The following PTPRT variants were observed in gnomAD, a reference collection of about 807,000 sequenced individuals.
PTPRT encodes the protein protein tyrosine phosphatase receptor type T.
A neutral mutation model predicts 176.8 loss-of-function variants in PTPRT; 56 were observed. The ratio of observed to expected loss-of-function variants is 0.32; its 90% confidence interval spans 0.26 to 0.40. PTPRT has a LOEUF of 0.40. Ranked by LOEUF, PTPRT falls within the 10% of genes least tolerant of loss-of-function variation. PTPRT has a pLI of 1.00. For synonymous variants in PTPRT, 783 were observed against 739.0 expected, an observed-to-expected ratio of 1.06 and a Z score of -0.96; for missense variants, 1,540 against 1,908.2, an observed-to-expected ratio of 0.81 and a Z score of 3.60.
intron 1 of PTPRT, among the ~76,000 whole-genome samples, chr20:43,012,210 A>C (rs1179470474): frequency 1.3e-5 from 2 of 152,234 alleles, no homozygotes; most frequent in Non-Finnish European, 2.9e-5. Context: ...GCGAACCCTG[A>C]CTAATACAAC....
intron 12 of PTPRT, among the ~76,000 whole-genome samples, chr20:42,283,077 C>T (rs1375887951): frequency 6.6e-6 from 1 of 152,118 alleles, no homozygotes; most frequent in African/African-American, 2.4e-5. Context: ...TCGCAACCTT[C>T]ATAAATAATG....
chr20:42,655,133 A>C (rs2075102532), intron 7 of PTPRT, among the ~76,000 whole-genome samples: 1 of 152,054 alleles, frequency 6.6e-6, no homozygotes, highest in Non-Finnish European at 1.5e-5. Context: ...AAATTAAATC[A>C]CATTTAAAAA....
intron 11 of PTPRT, among the ~76,000 whole-genome samples, chr20:42,323,143 C>T (rs961593235): frequency 2.0e-5 from 3 of 152,150 alleles, no homozygotes; most frequent in Non-Finnish European, 4.4e-5. Context: ...GAAATAGGAA[C>T]ACTTTTACAC....
intron 5 of PTPRT, among the ~76,000 whole-genome samples, chr20:42,761,478 G>A (rs538271736): frequency 1.8e-4 from 28 of 151,582 alleles, no homozygotes; most frequent in African/African-American, 5.8e-4. Flanking sequence ...AATATCTAGC[G>A]CCATCTAATA....
chr20:42,984,771 T>C (rs992169132), intron 1 of PTPRT, among the ~76,000 whole-genome samples: 6 of 152,240 alleles, frequency 3.9e-5, no homozygotes, highest in African/African-American at 1.4e-4. Flanking sequence ...TAGGCTTGTC[T>C]GACACCAAAG....
At position 42,583,141 on chromosome 20, in the gene PTPRT, C is replaced by T. The variant is rs181602495; in HGVS notation, c.1153+94725G>A. ...TGAATGATGAGAATATCTTGCAACT[C>T]CTTCAAACCGACAGGTCCACAGAGA... On this transcript the variant is annotated intron_variant, in intron 7 of 30. Coordinates refer to ENST00000373187, the MANE Select transcript of PTPRT (RefSeq NM_007050.6). Among the ~76,000 whole-genome samples, 271 of 152,270 alleles carry T rather than the reference C, an allele frequency of 1.8e-3. 1 individual carries two copies. Among genetic ancestry groups the T allele is most frequent in the African/African-American group, 6.1e-3 (254 of 41,558 alleles).
intron 7 of PTPRT, among the ~76,000 whole-genome samples, chr20:42,601,351 C>G (rs1224282259): frequency 2.6e-5 from 4 of 152,214 alleles, no homozygotes; most frequent in Non-Finnish European, 4.4e-5. Context: ...AAATTACCAT[C>G]TCACCCGTCA....
At chr20:42,293,155 C>A (rs1383980778) in intron 12 of PTPRT, among the ~76,000 whole-genome samples, 3 of 152,232 alleles carry the variant, frequency 2.0e-5, no homozygotes, top group Non-Finnish European at 2.9e-5. Context: ...AAGTAGCATG[C>A]AAGCCATTCG....
intron 7 of PTPRT, among the ~76,000 whole-genome samples, chr20:42,633,921 T>A (rs28405895): frequency 1.8e-5 from 1 of 55,534 alleles, no homozygotes. Flanking sequence ...TAATTATATA[T>A]AATATATTAT....
At chr20:42,158,230 T>C (rs1989443602) in intron 17 of PTPRT, among the ~76,000 whole-genome samples, 1 of 152,240 alleles carries the variant, frequency 6.6e-6, no homozygotes, top group Non-Finnish European at 1.5e-5. Flanking sequence ...TTTAAGCTTA[T>C]GTTTATTTCC....
chr20:42,917,438 G>A (rs990366006), intron 1 of PTPRT, among the ~76,000 whole-genome samples: 14 of 152,110 alleles, frequency 9.2e-5, no homozygotes, highest in Admixed American at 2.0e-4. Context: ...TTGACTTGGC[G>A]ATGCGGGCTC....
chr20:42,233,344 C>A (rs1219989702), intron 15 of PTPRT, among the ~76,000 whole-genome samples: 3 of 152,216 alleles, frequency 2.0e-5, no homozygotes, highest in Admixed American at 2.0e-4. Flanking sequence ...CCATTTCTCA[C>A]CCCAAGACGT....
chr20:42,796,793 A>G (rs1181635375), intron 2 of PTPRT, among the ~76,000 whole-genome samples: 3 of 152,202 alleles, frequency 2.0e-5, no homozygotes, highest in Non-Finnish European at 4.4e-5. Flanking sequence ...CCTGGTGAGC[A>G]AGGACAATGT....
chr20:42,298,763 A>G (rs898707562), intron 12 of PTPRT, among the ~76,000 whole-genome samples: 3 of 152,120 alleles, frequency 2.0e-5, no homozygotes, highest in Non-Finnish European at 2.9e-5. Flanking sequence ...TCTACTAAAA[A>G]TACAAAAATT....
At chr20:42,852,542 T>C (rs1219900901) in intron 2 of PTPRT, among the ~76,000 whole-genome samples, 1 of 152,172 alleles carries the variant, frequency 6.6e-6, no homozygotes, top group African/African-American at 2.4e-5. Flanking sequence ...CCTTCATATA[T>C]TTTTTTAGAA....
chr20:43,030,305 A>G (rs6030612), intron 1 of PTPRT, among the ~76,000 whole-genome samples: 46,229 of 152,090 alleles, frequency 0.3, 9,210 homozygotes, highest in African/African-American at 0.56. Flanking sequence ...GAAGGAAGCC[A>G]TTGCTCTGTC....
At chr20:43,187,827 T>A (rs955551759) in intron 1 of PTPRT, among the ~76,000 whole-genome samples, 2 of 152,238 alleles carry the variant, frequency 1.3e-5, no homozygotes, top group Admixed American at 1.3e-4. Flanking sequence ...AACAAAAGGC[T>A]GCTGAATAAA....
the PTPRT span, among the ~76,000 whole-genome samples, chr20:42,045,142 T>C: frequency 2.0e-5 from 3 of 152,178 alleles, no homozygotes; most frequent in Non-Finnish European, 4.4e-5. Context: ...ATCTGCAACT[T>C]TAATTTTCTT....
chr20:42,040,632 T>C, the PTPRT span, among the ~76,000 whole-genome samples: 3 of 152,246 alleles, frequency 2.0e-5, no homozygotes, highest in African/African-American at 7.2e-5. Flanking sequence ...ACAGTGTAAA[T>C]TGAGAGCTCA....
Sources: gnomAD v4.1 joint callset for allele counts (sites outside exome capture counted in the v4.1 genomes callset) on GRCh38, gnomAD v4.1.1 for gene constraint, MANE v1.5 for transcripts, NCBI Gene and HGNC (gene_info 2026-07-23, HGNC 2026-07-21) for gene names.